Variants in NEMP2 observed in about 807,000 individuals in gnomAD.
NEMP2 encodes nuclear envelope integral membrane protein 2.
A neutral mutation model predicts 54.2 loss-of-function variants in NEMP2; 53 were observed. The ratio of observed to expected loss-of-function variants is 0.98; its 90% CI spans 0.78 to 1.23. NEMP2 has a LOEUF of 1.23. Among genes scored for constraint, NEMP2 ranks in the 50% most tolerant of loss-of-function variants. The pLI is 0.00. For synonymous variants in NEMP2, 197 were observed against 190.3 expected (o/e 1.04, Z -0.29); for missense variants, 455 against 511.3 (o/e 0.89, Z 1.06).
chr2:190,525,534 AAGG>A lies in NEMP2; in HGVS notation c.98-159_98-157del, dbSNP rs1173010627. On this transcript the variant is annotated intron_variant, in intron 1 of 8. Coordinates refer to ENST00000409150, the MANE Select transcript of NEMP2 (RefSeq NM_001142645.2). The surrounding 1 kb of genome is among the most constrained non-coding windows in gnomAD (Gnocchi z 5.0). ...TTATAGTCCTTCAGTGTTTCCAACCAAGGAGGAGACAGATAGAAAATACGATAG... is the reference window on the plus strand; with the variant it reads ...TTATAGTCCTTCAGTGTTTCCAACCAAGGAGACAGATAGAAAATACGATAG... 6.6e-6 allele frequency among the ~76,000 whole-genome samples: 1 copy of A among 152,178 alleles called. No homozygotes were observed. The highest frequency in any genetic ancestry group is 1.9e-4 in the East Asian group (1 of 5,196).
At chr2:190,436,618 G>C in the NEMP2 span, 1 of 1,614,180 alleles carries the variant, frequency 6.2e-7, no homozygotes, top group South Asian at 1.1e-5. The surrounding 1 kb of genome is among the most constrained non-coding windows in gnomAD (Gnocchi z 5.3). Context: ...AAAAATGCGT[G>C]AGAAAAGAAA....
the NEMP2 span, among the ~76,000 whole-genome samples, chr2:190,571,551 T>TAAG: frequency 6.6e-6 from 1 of 150,916 alleles, no homozygotes; most frequent in Non-Finnish European, 1.5e-5. Context: ...TCAAAAAATA[T>TAAG]AATAATAATA....
chr2:190,640,787 A>ATTTTTTTTT, the NEMP2 span, among the ~76,000 whole-genome samples: 10 of 118,030 alleles, frequency 8.5e-5, no homozygotes, highest in African/African-American at 3.5e-4. Flanking sequence ...AACACATTCA[A>ATTTTTTTTT]TTTTTTTTTT....
chr2:190,539,264 TGTGG>T (rs1691472137), upstream of NEMP2, among the ~76,000 whole-genome samples: 1 of 152,206 alleles, frequency 6.6e-6, no homozygotes, highest in Non-Finnish European at 1.5e-5. The surrounding 1 kb of genome is among the most constrained non-coding windows in gnomAD (Gnocchi z 4.1). Context: ...GCTCTAAACA[TGTGG>T]ATTTATTTCT....
the NEMP2 span, among the ~76,000 whole-genome samples, chr2:190,455,603 C>T: frequency 6.6e-6 from 1 of 152,074 alleles, no homozygotes; most frequent in East Asian, 1.9e-4. Flanking sequence ...AACGCTTATC[C>T]TTCCTGTTTC....
the NEMP2 span, among the ~76,000 whole-genome samples, chr2:190,623,622 AATGAAGCT>A: frequency 6.6e-6 from 1 of 152,212 alleles, no homozygotes; most frequent in Non-Finnish European, 1.5e-5. Flanking sequence ...GATGCAGAAG[AATGAAGCT>A]AACCTCTATA....
chr2:190,434,400 C>T, the NEMP2 span, among the ~76,000 whole-genome samples: 1 of 152,030 alleles, frequency 6.6e-6, no homozygotes, highest in Non-Finnish European at 1.5e-5. This position sits in a 1 kb window ranked among gnomAD's most constrained non-coding sequence, Gnocchi z 4.3. Context: ...ATGTATATTG[C>T]TAATATCGTA....
chr2:190,627,948 C>G, the NEMP2 span: 1 of 152,228 alleles, frequency 6.6e-6, no homozygotes, highest in Non-Finnish European at 1.5e-5. This position sits in a 1 kb window ranked among gnomAD's most constrained non-coding sequence, Gnocchi z 4.4. Flanking sequence ...ACCGCGGCTC[C>G]GCCCTCGCAC....
chr2:190,525,463 T>A lies in NEMP2; in HGVS notation c.98-85A>T. The A allele has an allele frequency of 1.4e-6, 1 of 707,326 alleles. No homozygotes were observed. Among genetic ancestry groups the A allele is most frequent in the Non-Finnish European group, 2.4e-6 (1 of 419,880 alleles). The allele number at this position is 707,326 out of a possible 1,614,324, so 43.8% of individuals were successfully genotyped here. A position where few individuals can be genotyped will look rare whatever the true frequency, so the allele number is the denominator to read the frequency against. On this transcript the variant is annotated intron_variant, in intron 1 of 8. Coordinates refer to ENST00000409150, the MANE Select transcript of NEMP2 (RefSeq NM_001142645.2). The surrounding 1 kb of genome is among the most constrained non-coding windows in gnomAD (Gnocchi z 5.0). ...AAAAAAGTTTGCAGGGAGGTAACAG[T>A]AGCAGTTTTAACGTTCTATGGCCAA... is the stretch of plus-strand genomic sequence containing the variant.
At chr2:190,448,189 G>T in the NEMP2 span, among the ~76,000 whole-genome samples, 15 of 152,320 alleles carry the variant, frequency 9.8e-5, no homozygotes, top group East Asian at 2.9e-3. Context: ...GTAGACAAGA[G>T]TAAAGATGGT....
chr2:190,515,880 C>T (rs577459990), intron 6 of NEMP2, among the ~76,000 whole-genome samples: 5 of 152,308 alleles, frequency 3.3e-5, no homozygotes, highest in African/African-American at 1.2e-4. Flanking sequence ...GTTAGGATTT[C>T]TCACCTTTCC....
chr2:190,477,148 TAC>T, the NEMP2 span: 1 of 511,718 alleles, frequency 2.0e-6, no homozygotes, highest in Non-Finnish European at 2.5e-6. Flanking sequence ...GGCACATGTA[TAC>T]ATATGTAACA....
At chr2:190,537,287 G>A (rs536312171), upstream of NEMP2, among the ~76,000 whole-genome samples, 12 of 152,306 alleles carry the variant, frequency 7.9e-5, no homozygotes, top group East Asian at 1.9e-4. Context: ...AATATAGGTC[G>A]ATATGGTTTG....
the NEMP2 span, among the ~76,000 whole-genome samples, chr2:190,428,958 C>T: frequency 1.3e-5 from 2 of 152,120 alleles, 1 homozygote; most frequent in South Asian, 4.1e-4. Flanking sequence ...CAGGTGTGAG[C>T]CACCATGCCC....
chr2:190,421,677 T>A, the NEMP2 span, among the ~76,000 whole-genome samples: 3 of 151,966 alleles, frequency 2.0e-5, no homozygotes, highest in Non-Finnish European at 2.9e-5. Flanking sequence ...CACCTCAGCA[T>A]CCCAAGTAGC....
chr2:190,443,616 C>G, the NEMP2 span, among the ~76,000 whole-genome samples: 1 of 152,176 alleles, frequency 6.6e-6, no homozygotes, highest in Admixed American at 6.5e-5. The surrounding 1 kb of genome is among the most constrained non-coding windows in gnomAD (Gnocchi z 4.2). Flanking sequence ...CCTTAAACAT[C>G]TTAGTCAAAT....
At position 190,518,947 on chromosome 2, in the gene NEMP2, CT is replaced by C; in HGVS notation, c.445+4del. Reference sequence around the variant, plus strand: ...GAAAGTCAAGTATAATAAAATCGGACTTACTGTTTCGATTCACATGTATCAT... The same window carrying C: ...GAAAGTCAAGTATAATAAAATCGGACTACTGTTTCGATTCACATGTATCAT... On this transcript the variant is annotated splice_donor_region_variant and intron_variant, in intron 3 of 8. Coordinates refer to ENST00000409150, the MANE Select transcript of NEMP2 (RefSeq NM_001142645.2). 1 of 1,545,074 alleles carries C rather than the reference CT, an allele frequency of 6.5e-7. No homozygotes were observed.
At chr2:190,582,408 T>C in the NEMP2 span, among the ~76,000 whole-genome samples, 1 of 152,196 alleles carries the variant, frequency 6.6e-6, no homozygotes, top group Admixed American at 6.5e-5. This position sits in a 1 kb window ranked among gnomAD's most constrained non-coding sequence, Gnocchi z 4.6. Flanking sequence ...AGATGGAATA[T>C]TGGGAGACCA....
chr2:190,494,344 G>C, the NEMP2 span, among the ~76,000 whole-genome samples: 17 of 151,994 alleles, frequency 1.1e-4, no homozygotes, highest in African/African-American at 4.1e-4. The surrounding 1 kb of genome is among the most constrained non-coding windows in gnomAD (Gnocchi z 5.7). Flanking sequence ...TAGTGAGACT[G>C]AATCAGTAAT....
Sources: allele counts gnomAD v4.1 joint callset (sites outside exome capture counted in the v4.1 genomes callset), GRCh38; gene constraint gnomAD v4.1.1; non-coding constraint Gnocchi (gnomAD v3.1); transcripts MANE v1.5; gene names NCBI Gene and HGNC (gene_info 2026-07-23, HGNC 2026-07-21).